STPG2: variants seen among roughly 807,000 people sequenced by gnomAD.
The protein encoded by STPG2 is sperm tail PG-rich repeat containing 2.
A neutral mutation model predicts 54.2 loss-of-function variants in STPG2; 56 were observed. The observed-to-expected ratio is 1.03, with a 90% confidence interval of 0.83 to 1.29. The LOEUF is 1.29. Ranked by LOEUF, STPG2 falls within the 50% of genes most tolerant of loss-of-function variation. The probability of loss-of-function intolerance (pLI) is 0.00; values close to 1 mark genes in which losing one functional copy is unlikely to be tolerated. For missense variants in STPG2, 596 were observed against 544.9 expected (o/e 1.09, Z -0.93); for synonymous variants, 200 against 181.8 (o/e 1.10, Z -0.81).
At chr4:97,478,480 T>C (rs1730132585) in intron 4 of STPG2, among the ~76,000 whole-genome samples, 1 of 152,164 alleles carries the variant, frequency 6.6e-6, no homozygotes, top group African/African-American at 2.4e-5. Context: ...TGTAATTTTC[T>C]TATGATAACC....
intron 10 of STPG2, among the ~76,000 whole-genome samples, chr4:97,684,038 T>C (rs1723113492): frequency 1.3e-5 from 2 of 151,984 alleles, no homozygotes; most frequent in South Asian, 2.1e-4. Context: ...CATTTACCTT[T>C]AAACTTGACA....
intron 10 of STPG2, among the ~76,000 whole-genome samples, chr4:97,624,380 T>C (rs1043629621): frequency 2.0e-5 from 3 of 152,222 alleles, no homozygotes; most frequent in African/African-American, 7.2e-5. Context: ...ATCACTGATG[T>C]TGAGATTTTT....
intron 8 of STPG2, among the ~76,000 whole-genome samples, chr4:97,862,305 G>C (rs917789772): frequency 2.6e-5 from 4 of 151,996 alleles, no homozygotes; most frequent in Non-Finnish European, 5.9e-5. Flanking sequence ...CCTAGTCTAT[G>C]ATAAAACAGA....
intron 7 of STPG2, among the ~76,000 whole-genome samples, chr4:97,958,082 G>T (rs1212873944): frequency 6.6e-6 from 1 of 152,088 alleles, no homozygotes; most frequent in Admixed American, 6.6e-5. Flanking sequence ...GCAGAGGGGG[G>T]ACAGATCACT....
At chr4:97,973,758 T>A (rs1393578564) in intron 6 of STPG2, among the ~76,000 whole-genome samples, 1 of 48,768 alleles carries the variant, frequency 2.1e-5, no homozygotes, top group Non-Finnish European at 3.7e-5. Flanking sequence ...AGGCCGTGGT[T>A]TCAGAGGGTG....
intron 4 of STPG2, among the ~76,000 whole-genome samples, chr4:97,456,747 T>A (rs947140772): frequency 1.1e-4 from 16 of 151,132 alleles, no homozygotes; most frequent in African/African-American, 3.7e-4. Context: ...ATACAAAAAA[T>A]TAGCCAGGTG....
chr4:97,854,502 T>C (rs908932343), intron 8 of STPG2, among the ~76,000 whole-genome samples: 2 of 148,484 alleles, frequency 1.3e-5, no homozygotes, highest in Non-Finnish European at 3.0e-5. Context: ...TTATATATTA[T>C]TTATAATTAT....
At chr4:97,889,241 T>G (rs1730682590) in intron 8 of STPG2, among the ~76,000 whole-genome samples, 1 of 152,202 alleles carries the variant, frequency 6.6e-6, no homozygotes. Flanking sequence ...TAAATTAGTA[T>G]AGCAATTATG....
intron 8 of STPG2, among the ~76,000 whole-genome samples, chr4:97,850,299 A>AAAAG (rs70953088): frequency 9.4e-6 from 1 of 106,896 alleles, no homozygotes; most frequent in African/African-American, 3.4e-5. Flanking sequence ...GAGGGAAAGA[A>AAAAG]AAATAAATAA....
At position 97,894,495 on chromosome 4, in the gene STPG2, A is replaced by G. The variant is rs192362692; in HGVS notation, c.1044+49402T>C. On this transcript the variant is annotated intron_variant, in intron 8 of 10. Transcript: ENST00000295268. ...ATTCCTTCTGTCTACTTTGGCTGTAACTTTGTCTTCTAGCAACTCCCATTT... is the reference window on the plus strand; with the variant it reads ...ATTCCTTCTGTCTACTTTGGCTGTAGCTTTGTCTTCTAGCAACTCCCATTT... Among the ~76,000 whole-genome samples, 10 of 152,002 alleles carry G rather than the reference A, an allele frequency of 6.6e-5. No homozygotes were observed. In the East Asian group the frequency reaches 1.9e-3, roughly 29 times the overall value.
At chr4:97,885,295 C>T (rs1035791087) in intron 8 of STPG2, among the ~76,000 whole-genome samples, 9 of 152,114 alleles carry the variant, frequency 5.9e-5, no homozygotes, top group Admixed American at 6.6e-5. Flanking sequence ...GGTCCAGCTG[C>T]CACAACCATA....
At chr4:97,939,682 G>A in intron 8 of STPG2, among the ~76,000 whole-genome samples, 1 of 152,038 alleles carries the variant, frequency 6.6e-6, no homozygotes, top group East Asian at 1.9e-4. Context: ...TTTATTTTGA[G>A]CCTATGAGAG....
chr4:97,444,833 T>C (rs968132611), intron 4 of STPG2, among the ~76,000 whole-genome samples: 1 of 152,162 alleles, frequency 6.6e-6, no homozygotes, highest in East Asian at 1.9e-4. Context: ...ATCGAGACCA[T>C]CCTGGCTAAC....
chr4:97,657,061 T>C (rs1578458521), intron 10 of STPG2, among the ~76,000 whole-genome samples: 1 of 151,990 alleles, frequency 6.6e-6, no homozygotes, highest in East Asian at 1.9e-4. Flanking sequence ...ATGTGAAAGA[T>C]GTTGATTATA....
At chr4:97,654,861 T>C (rs961012829) in intron 10 of STPG2, among the ~76,000 whole-genome samples, 1 of 152,072 alleles carries the variant, frequency 6.6e-6, no homozygotes, top group Non-Finnish European at 1.5e-5. Flanking sequence ...ACATAAATAC[T>C]GTACAGATTA....
chr4:97,938,455 A>ACTGGCTTTCCCCC (rs374685227), intron 8 of STPG2, among the ~76,000 whole-genome samples: 1,777 of 151,794 alleles, frequency 0.012, 30 homozygotes, highest in African/African-American at 0.041. Flanking sequence ...CACAGTGACT[A>ACTGGCTTTCCCCC]AGTCAGAAGG....
chr4:98,062,944 C>T (rs1267143248), intron 5 of STPG2, among the ~76,000 whole-genome samples: 1 of 151,854 alleles, frequency 6.6e-6, no homozygotes, highest in African/African-American at 2.4e-5. Flanking sequence ...AAGACTAGGT[C>T]TTACCATGTT....
chr4:97,536,507 C>A (rs910083322), intron 4 of STPG2, among the ~76,000 whole-genome samples: 7 of 152,128 alleles, frequency 4.6e-5, no homozygotes, highest in Non-Finnish European at 7.3e-5. Flanking sequence ...AAGGCCTCCC[C>A]AGCCATGCAG....
Position 97,595,459 on chromosome 4 carries a change from G to T in STPG2, c.1321-36342C>A, listed in dbSNP as rs148337471. On this transcript the variant is annotated intron_variant, in intron 10 of 10. Coordinates refer to ENST00000295268, the MANE Select transcript of STPG2 (RefSeq NM_174952.3). The stretch of plus-strand genomic sequence containing the variant: ...CACCGGGGCCTGTCATGGGGTAGGG[G>T]GAGAGGGGAGGGTTAGCATTAGGAG... Among the ~76,000 whole-genome samples, 326 of 152,182 alleles carry T rather than the reference G, an allele frequency of 2.1e-3. 8 individuals carry two copies. The East Asian group carries it at 0.053, about 25-fold the overall frequency.
Sources: allele counts gnomAD v4.1 joint callset (sites outside exome capture counted in the v4.1 genomes callset), GRCh38; gene constraint gnomAD v4.1.1; transcripts MANE v1.5; gene names NCBI Gene and HGNC (gene_info 2026-07-23, HGNC 2026-07-21).